The following LIPM variants were observed in gnomAD, a reference collection of about 807,000 sequenced individuals.
The protein encoded by LIPM is lipase member M.
Under a neutral mutation model 42.4 loss-of-function variants are expected in LIPM, and 42 were observed. The ratio of observed to expected loss-of-function variants is 0.99; its 90% CI spans 0.77 to 1.28. LIPM has a LOEUF of 1.28. Among genes scored for constraint, LIPM ranks in the 50% most tolerant of loss-of-function variants. The pLI, the probability that LIPM is intolerant of heterozygous loss-of-function variation, is 0.00. For synonymous variants in LIPM, 177 were observed against 173.3 expected (o/e 1.02, Z -0.17); for missense variants, 524 against 520.1 (o/e 1.01, Z -0.07).
At chr10:88,807,038 T>C (rs571649195) in intron 1 of LIPM, among the ~76,000 whole-genome samples, 1 of 152,296 alleles carries the variant, frequency 6.6e-6, no homozygotes, top group East Asian at 1.9e-4. Context: ...CACACATACA[T>C]GCACACATAT....
chr10:88,805,533 A>G (rs1027962886), intron 1 of LIPM, among the ~76,000 whole-genome samples: 1 of 152,228 alleles, frequency 6.6e-6, no homozygotes, highest in Non-Finnish European at 1.5e-5. Context: ...ATAGTCACCA[A>G]TGTACTCTGC....
intron 1 of LIPM, 86 bp downstream of exon 1, chr10:88,803,129 C>T (rs1843547779): frequency 7.3e-7 from 1 of 1,378,754 alleles, no homozygotes; most frequent in South Asian, 1.4e-5. Context: ...TATATTTATA[C>T]ATGGTGGTGA....
At chr10:88,805,608 A>G (rs1438272146) in intron 1 of LIPM, among the ~76,000 whole-genome samples, 1 of 152,214 alleles carries the variant, frequency 6.6e-6, no homozygotes, top group Non-Finnish European at 1.5e-5. Flanking sequence ...TTTTCTTAAG[A>G]AGAAATGTCA....
At chr10:88,808,471 C>T in intron 2 of LIPM, 56 bp downstream of exon 2, 1 of 1,025,520 alleles carries the variant, frequency 9.8e-7, no homozygotes, top group Non-Finnish European at 1.5e-6. Flanking sequence ...GTCACGATTT[C>T]CTTGTGATTT....
chr10:88,818,854 G>A (rs1165287117), intron 8 of LIPM, among the ~76,000 whole-genome samples: 1 of 152,036 alleles, frequency 6.6e-6, no homozygotes, highest in Non-Finnish European at 1.5e-5. Flanking sequence ...TATGTCTTTA[G>A]AGAAAGTATT....
At chr10:88,819,528 GAA>G (rs1443039607) in intron 8 of LIPM, among the ~76,000 whole-genome samples, 1 of 152,198 alleles carries the variant, frequency 6.6e-6, no homozygotes, top group Non-Finnish European at 1.5e-5. Context: ...CACTTCTGAG[GAA>G]AGTTCTGGAT....
chr10:88,803,068 A>G (rs915076788), intron 1 of LIPM, 25 bp downstream of exon 1: 88 of 1,548,160 alleles, frequency 5.7e-5, no homozygotes, highest in Non-Finnish European at 6.8e-5. Context: ...CTGGGAAATG[A>G]GGTACTTAAC....
At chr10:88,818,969 A>T (rs537672955) in intron 8 of LIPM, among the ~76,000 whole-genome samples, 1 of 151,196 alleles carries the variant, frequency 6.6e-6, no homozygotes, top group Non-Finnish European at 1.5e-5. Flanking sequence ...CTCACTGAAA[A>T]CTCTGCCTCC....
chr10:88,808,679 C>T (rs1038687958), intron 2 of LIPM, among the ~76,000 whole-genome samples: 5 of 152,070 alleles, frequency 3.3e-5, no homozygotes, highest in South Asian at 2.1e-4. Flanking sequence ...CTTATTTTAG[C>T]GCTTAACCCA....
chr10:88,817,790 G>A (rs1194423982), intron 7 of LIPM, 35 bp from the exon 8 acceptor site: 9 of 1,476,610 alleles, frequency 6.1e-6, no homozygotes, highest in South Asian at 2.4e-5. Flanking sequence ...CCACTGAGAC[G>A]TTGGAATTCC....
chr10:88,815,420 CTTTG>C lies in LIPM; in HGVS notation c.777_780del (p.Cys260AlafsTer3). 3 of 1,551,276 alleles carry C rather than the reference CTTTG, an allele frequency of 1.9e-6. No individual in the cohort carries two copies. The highest frequency in any genetic ancestry group is 2.6e-6 in the Non-Finnish European group (3 of 1,146,810). On this transcript the variant is annotated frameshift_variant, in exon 6 of 9. Coordinates refer to ENST00000404743, the MANE Select transcript of LIPM (RefSeq NM_001128215.1). LOFTEE classifies it high-confidence loss of function. Reference sequence around the variant, plus strand: ...ATTTCTCAGACAACTTGTTATTTACCTTTGTGGCCAGGTGATTCTTGATCAGATT... The same window carrying C: ...ATTTCTCAGACAACTTGTTATTTACCTGGCCAGGTGATTCTTGATCAGATT...
At chr10:88,803,919 C>T (rs1212836654) in intron 1 of LIPM, among the ~76,000 whole-genome samples, 1 of 152,008 alleles carries the variant, frequency 6.6e-6, no homozygotes, top group Admixed American at 6.6e-5. Context: ...CGCAATAAAC[C>T]CTCCCAGGTG....
At chr10:88,818,876 A>G (rs1843750894) in intron 8 of LIPM, among the ~76,000 whole-genome samples, 1 of 152,014 alleles carries the variant, frequency 6.6e-6, no homozygotes, top group Non-Finnish European at 1.5e-5. Flanking sequence ...CTGTTCAAAG[A>G]TGTTTTTTTA....
chr10:88,816,953 G>A lies in LIPM; in HGVS notation c.930+66G>A, dbSNP rs953267346. The stretch of plus-strand genomic sequence containing the variant: ...TATATTTTGTGTAGAATAGTCAAAG[G>A]ACACCATTTAGATAAGCCAGGGATT... On this transcript the variant is annotated intron_variant, in intron 7 of 8. Coordinates refer to ENST00000404743, the MANE Select transcript of LIPM (RefSeq NM_001128215.1). 11 of 1,193,342 alleles carry A rather than the reference G, an allele frequency of 9.2e-6. No homozygotes were observed. In the East Asian group the frequency reaches 2.6e-4, roughly 28 times the overall value. The allele number at this position is 1,193,342 out of a possible 1,614,324, so 73.9% of individuals were successfully genotyped here. A position where few individuals can be genotyped will look rare whatever the true frequency, so the allele number is the denominator to read the frequency against.
At position 88,802,833 on chromosome 10, in the gene LIPM, A is replaced by G. The variant is rs1843543716; in HGVS notation, c.-64A>G. ...TATGTGAAGAGTTTTTAAACCCACA[A>G]ATTCTTCTTACTTTAGAATTAGTTG... On this transcript the variant is annotated 5_prime_UTR_variant, in exon 1 of 9. Transcript: ENST00000404743. 1.4e-6 allele frequency: 2 copies of G among 1,477,094 alleles called. No individual in the cohort carries two copies. Among genetic ancestry groups the G allele is most frequent in the African/African-American group, 1.4e-5 (1 of 69,996 alleles). 91.5% of individuals were successfully genotyped at this position (1,477,094 alleles called of 1,614,324 possible).
At position 88,820,368 on chromosome 10, in the gene LIPM, A is replaced by G; in HGVS notation, c.1139A>G (p.Asn380Ser). 3 of 1,552,324 alleles carry G rather than the reference A, an allele frequency of 1.9e-6. No homozygotes were observed. Among genetic ancestry groups the G allele is most frequent in the Non-Finnish European group, 2.6e-6 (3 of 1,147,140 alleles). The change falls in exon 9 of 9, where the codon AAT (asparagine) becomes AGT (serine). Residue 380 changes from asparagine to serine, a missense_variant. Asn to Ser is a conservative substitution (Grantham distance 46). Coordinates refer to ENST00000404743, the MANE Select transcript of LIPM (RefSeq NM_001128215.1). ...GTGACCAACCTCATCTACCATAAGA[A>G]TATTCCTGAATGGGCTCACGTGGAT... is the stretch of plus-strand genomic sequence containing the variant. The part of the protein sequence containing the change: ...SEVTNLIYHK[N>S]IPEWAHVDFI...
chr10:88,802,829 C>T lies in LIPM; in HGVS notation c.-68C>T. On this transcript the variant is annotated 5_prime_UTR_variant, in exon 1 of 9. Coordinates refer to ENST00000404743, the MANE Select transcript of LIPM (RefSeq NM_001128215.1). ...AAAATATGTGAAGAGTTTTTAAACC[C>T]ACAAATTCTTCTTACTTTAGAATTA... The T allele has an allele frequency of 1.4e-6, 2 of 1,456,234 alleles. No individual in the cohort carries two copies. The highest frequency in any genetic ancestry group is 1.4e-5 in the African/African-American group (1 of 69,488). 90.2% of individuals were successfully genotyped at this position (1,456,234 alleles called of 1,614,324 possible). A position where few individuals can be genotyped will look rare whatever the true frequency, so the allele number is the denominator to read the frequency against.
intron 3 of LIPM, among the ~76,000 whole-genome samples, chr10:88,813,989 G>A (rs1843686107): frequency 6.6e-6 from 1 of 152,104 alleles, no homozygotes; most frequent in African/African-American, 2.4e-5. Context: ...GGGATTACAG[G>A]GATTATGGGG....
chr10:88,810,829 A>G lies in LIPM; in HGVS notation c.266-2268A>G, dbSNP rs373726399. 1.5e-3 allele frequency among the ~76,000 whole-genome samples: 229 copies of G among 152,324 alleles called. 1 individual carries two copies. Among genetic ancestry groups the G allele is most frequent in the African/African-American group, 5.0e-3 (209 of 41,580 alleles). The stretch of plus-strand genomic sequence containing the variant: ...AGAACAAACTATATGACTAAGTAGA[A>G]CCAAGGTGACCTTAACCATGGGAAA... On this transcript the variant is annotated intron_variant, in intron 2 of 8. Coordinates refer to ENST00000404743, the MANE Select transcript of LIPM (RefSeq NM_001128215.1).
Sources: gnomAD v4.1 joint callset for allele counts (sites outside exome capture counted in the v4.1 genomes callset) on GRCh38, gnomAD v4.1.1 for gene constraint, MANE v1.5 for transcripts, NCBI Gene and HGNC (gene_info 2026-07-23, HGNC 2026-07-21) for gene names.